Variants in DOT1L observed in about 807,000 individuals in gnomAD.
DOT1L encodes the protein DOT1 like histone lysine methyltransferase.
DOT1L carries 33 observed loss-of-function variants against 153.3 expected under a neutral mutation model. The ratio of observed to expected loss-of-function variants is 0.22; its 90% confidence interval spans 0.16 to 0.29. DOT1L has a LOEUF of 0.29. DOT1L is among the 10% of genes least tolerant of loss of function. DOT1L has a pLI of 1.00. For missense variants in DOT1L, 1,847 were observed against 2,119.9 expected, an observed-to-expected ratio of 0.87 and a Z score of 2.53; for synonymous variants, 1,135 against 965.1, an observed-to-expected ratio of 1.18 and a Z score of -3.26.
chr19:2,188,888 C>T (rs545419751), intron 3 of DOT1L, among the ~76,000 whole-genome samples: 53 of 152,188 alleles, frequency 3.5e-4, no homozygotes, highest in Non-Finnish European at 6.3e-4. Flanking sequence ...CTGGCTGGGC[C>T]GCGTGGCCGG....
In DOT1L at chr19:2,197,070, G is replaced by A. The variant is rs1009710008; in HGVS notation, c.651+2493G>A. Among the ~76,000 whole-genome samples the A allele has an allele frequency of 1.3e-5, 2 of 152,190 alleles. No individual in the cohort carries two copies. Among genetic ancestry groups the A allele is most frequent in the Non-Finnish European group, 2.9e-5 (2 of 68,026 alleles). On this transcript the variant is annotated intron_variant, in intron 7 of 27. Coordinates refer to ENST00000398665, the MANE Select transcript of DOT1L (RefSeq NM_032482.3). This position sits in a 1 kb window ranked among gnomAD's most constrained non-coding sequence, Gnocchi z 4.1. ...GTGGGATTCTGCTGGCTGATGGGCC[G>A]CTGAGGGGTTTTCTGCCGTGGTGGG...
Position 2,231,785 on chromosome 19 carries a change from C to T in DOT1L, c.*1993C>T, listed in dbSNP as rs965624890. The T allele has an allele frequency of 1.4e-5, 3 of 215,432 alleles. No homozygotes were observed. The highest frequency in any genetic ancestry group is 1.5e-3 in the Middle Eastern group (1 of 670). The allele number at this position is 215,432 out of a possible 1,614,324, so 13.3% of individuals were successfully genotyped here. On this transcript the variant is annotated 3_prime_UTR_variant, in exon 28 of 28. Transcript: ENST00000398665. ...TTCTTTAAACACTGTATTACTTCTG[C>T]CTCCCTCTAGGTGACAGTGGCAGTC...
chr19:2,206,851 C>G, intron 10 of DOT1L, 54 bp downstream of exon 10: 1 of 1,541,396 alleles, frequency 6.5e-7, no homozygotes. Flanking sequence ...AACCATCTGA[C>G]ACGCAGTATT....
rs896439983 is a variant in DOT1L at position 2,201,454 on chromosome 19, G to A, written c.708-1246G>A. On this transcript the variant is annotated intron_variant, in intron 8 of 27. Transcript: ENST00000398665. ...TTCCCTGTGCTCTTCTTCCTCGGGTGTGCTCGTGGCTTGTGGTTGAGTGTC... is the reference window on the plus strand; with the variant it reads ...TTCCCTGTGCTCTTCTTCCTCGGGTATGCTCGTGGCTTGTGGTTGAGTGTC... Among the ~76,000 whole-genome samples, 66 of 152,220 alleles carry A rather than the reference G, an allele frequency of 4.3e-4. 1 individual carries two copies. Among genetic ancestry groups the A allele is most frequent in the Admixed American group, 4.3e-3 (65 of 15,286 alleles).
chr19:2,170,184 A>G lies in DOT1L; in HGVS notation c.81+5919A>G, dbSNP rs553600673. On this transcript the variant is annotated intron_variant, in intron 1 of 27. Coordinates refer to ENST00000398665, the MANE Select transcript of DOT1L (RefSeq NM_032482.3). Reference sequence around the variant, plus strand: ...GGAAAAAAGAATTTTTGTTCAAGTAATATTGGCCATTGATGGCTGCAAATC... The same window carrying G: ...GGAAAAAAGAATTTTTGTTCAAGTAGTATTGGCCATTGATGGCTGCAAATC... Among the ~76,000 whole-genome samples the G allele has an allele frequency of 3.3e-5, 5 of 152,308 alleles. No individual in the cohort carries two copies. In the East Asian group the frequency reaches 9.6e-4, roughly 29 times the overall value.
chr19:2,206,984 G>A (rs1340023285), intron 10 of DOT1L, among the ~76,000 whole-genome samples, 187 bp downstream of exon 10: 1 of 152,208 alleles, frequency 6.6e-6, no homozygotes, highest in East Asian at 1.9e-4. Flanking sequence ...CATGCCAGGA[G>A]CACCCCTGGT....
intron 3 of DOT1L, among the ~76,000 whole-genome samples, chr19:2,186,864 G>T (rs2022534543): frequency 1.3e-5 from 2 of 152,216 alleles, no homozygotes; most frequent in African/African-American, 4.8e-5. Context: ...GTGATGGTGT[G>T]CTGGGCCCTT....
In DOT1L at chr19:2,227,106, G is replaced by A. The variant is rs762134372; in HGVS notation, c.4585G>A (p.Val1529Met). The A allele has an allele frequency of 1.9e-6, 3 of 1,554,270 alleles. No individual in the cohort carries two copies. In the East Asian group the frequency reaches 7.0e-5, roughly 36 times the overall value. The change falls in exon 27 of 28, where the codon GTG (valine) becomes ATG (methionine). Residue 1529 changes from valine (V) to methionine (M), a missense_variant. Around this residue, in one of 8 missense-constraint regions of DOT1L, gnomAD observed 934 missense variants for 825.3 expected, o/e 1.13. Transcript: ENST00000398665. The stretch of plus-strand genomic sequence containing the variant: ...GCACGCCATGGGCAGCTTTTCCGGG[G>A]TGGCAGGCGGCACAGTTGGAGGTAG... The part of the protein sequence containing the change: ...NSHAMGSFSG[V>M]AGGTVGGN
chr19:2,181,741 C>G (rs983246993), intron 2 of DOT1L, among the ~76,000 whole-genome samples: 10 of 151,996 alleles, frequency 6.6e-5, no homozygotes, highest in Non-Finnish European at 1.3e-4. Context: ...GCAGCTGGAC[C>G]CCAGCCCAGC....
At position 2,230,904 on chromosome 19, in the gene DOT1L, C is replaced by T. The variant is rs1012814068; in HGVS notation, c.*1112C>T. ...TGTCAGGGCCACGCCTGGCACCCATCCCTTGGAGCCTGTGCTGGTTCTCCC... is the reference window on the plus strand; with the variant it reads ...TGTCAGGGCCACGCCTGGCACCCATTCCTTGGAGCCTGTGCTGGTTCTCCC... On this transcript the variant is annotated 3_prime_UTR_variant, in exon 28 of 28. Coordinates refer to ENST00000398665, the MANE Select transcript of DOT1L (RefSeq NM_032482.3). The T allele has an allele frequency of 6.7e-6, 2 of 298,280 alleles. No individual in the cohort carries two copies. The highest frequency in any genetic ancestry group is 2.1e-5 in the African/African-American group (1 of 47,094). The allele number at this position is 298,280 out of a possible 1,614,324, so 18.5% of individuals were successfully genotyped here.
chr19:2,213,605 G>A lies in DOT1L; in HGVS notation c.1624G>A (p.Glu542Lys). 6.2e-7 allele frequency: 1 copy of A among 1,613,758 alleles called. No homozygotes were observed. Among genetic ancestry groups the A allele is most frequent in the South Asian group, 1.1e-5 (1 of 91,078 alleles). ...CAGCCACTGCCAGGCCCAGAAGGAGGAGATCAGGAGGCTGTTTCAGCAAAA... is the reference window on the plus strand; with the variant it reads ...CAGCCACTGCCAGGCCCAGAAGGAGAAGATCAGGAGGCTGTTTCAGCAAAA... ...LLSHCQAQKE[E>K]IRRLFQQKLD... The change falls in exon 17 of 28, where the codon GAG becomes AAG. Residue 542 changes from glutamate to lysine, a missense_variant. By Grantham distance (56) the Glu-to-Lys change is moderately conservative. Coordinates refer to ENST00000398665, the MANE Select transcript of DOT1L (RefSeq NM_032482.3).
chr19:2,222,028 G>C lies in DOT1L; in HGVS notation c.2859G>C (p.Pro953=), dbSNP rs757484163. The C allele has an allele frequency of 1.2e-6, 2 of 1,612,376 alleles. No individual in the cohort carries two copies. The highest frequency in any genetic ancestry group is 3.3e-5 in the Admixed American group (2 of 59,972). The change falls in exon 24 of 28, where the codon CCG becomes CCC. Residue 953 remains proline (P), a synonymous_variant. Coordinates refer to ENST00000398665, the MANE Select transcript of DOT1L (RefSeq NM_032482.3). This position sits in a 1 kb window ranked among gnomAD's most constrained non-coding sequence, Gnocchi z 6.5. ...TCAGCGGGGCCTTGGCGGGCAGCCC[G>C]GCCTCTCTCACACCTGGAGCCGAGC... ...VAISGALAGS[P]ASLTPGAEPA...
intron 1 of DOT1L, among the ~76,000 whole-genome samples, chr19:2,177,497 T>C (rs1029304162): frequency 7.9e-5 from 12 of 152,144 alleles, no homozygotes; most frequent in African/African-American, 2.9e-4. Context: ...ACAATTTTTA[T>C]ATTATTAGTG....
At position 2,210,499 on chromosome 19, in the gene DOT1L, G is replaced by C. The variant is rs896711247; in HGVS notation, c.1105G>C (p.Asp369His). Residue 369 changes from aspartate (D) to histidine (H), a missense_variant, in exon 13 of 28, where the codon GAC (aspartate) becomes CAC (histidine). Coordinates refer to ENST00000398665, the MANE Select transcript of DOT1L (RefSeq NM_032482.3). ...AGAGGGCAAGGTGGCCGGCCCCGCCGACGCCCCCATGGTAAGGCCCCAGCC... is the reference window on the plus strand; with the variant it reads ...AGAGGGCAAGGTGGCCGGCCCCGCCCACGCCCCCATGGTAAGGCCCCAGCC... ...GPEGKVAGPA[D>H]APMDSGAEEE... 4 of 1,594,666 alleles carry C rather than the reference G, an allele frequency of 2.5e-6. No individual in the cohort carries two copies. In the Admixed American group the frequency reaches 5.2e-5, roughly 21 times the overall value.
chr19:2,222,407 G>C lies in DOT1L; in HGVS notation c.3238G>C (p.Gly1080Arg). The C allele has an allele frequency of 6.2e-7, 1 of 1,611,016 alleles. No homozygotes were observed. The highest frequency in any genetic ancestry group is 8.5e-7 in the Non-Finnish European group (1 of 1,179,040). Residue 1080 changes from glycine to arginine, a missense_variant, in exon 24 of 28, where the codon GGG (glycine) becomes CGG (arginine). Around this residue, in one of 8 missense-constraint regions of DOT1L, gnomAD observed 934 missense variants for 825.3 expected, o/e 1.13. Transcript: ENST00000398665. This position sits in a 1 kb window ranked among gnomAD's most constrained non-coding sequence, Gnocchi z 6.5. ...SARGDCVPSHGQDSRRRGRRK... is the reference protein window; with the variant it reads ...SARGDCVPSHRQDSRRRGRRK... ...CCGTGGGGACTGTGTGCCGAGCCAC[G>C]GGCAGGACAGTCGCAGGCGCGGCCG...
In DOT1L at chr19:2,227,663, G is replaced by A. The variant is rs1012703936; in HGVS notation, c.4606+536G>A. On this transcript the variant is annotated intron_variant, in intron 27 of 27. Transcript: ENST00000398665. ...CGCCGTTTCGCTTCCCTTTTTGTGA[G>A]CCTGCGGCTGCTGCTCTGCGCTTGC... 5.5e-6 allele frequency: 7 copies of A among 1,269,288 alleles called. No homozygotes were observed. In the African/African-American group the frequency reaches 9.6e-5, roughly 17 times the overall value. 78.6% of individuals were successfully genotyped at this position (1,269,288 alleles called of 1,614,324 possible).
Position 2,225,345 on chromosome 19 carries a change from T to G in DOT1L, c.3597-43T>G, listed in dbSNP as rs1396386724. 9 of 1,573,472 alleles carry G rather than the reference T, an allele frequency of 5.7e-6. No homozygotes were observed. The highest frequency in any genetic ancestry group is 7.9e-6 in the Non-Finnish European group (9 of 1,143,158). On this transcript the variant is annotated intron_variant, in intron 25 of 27. Coordinates refer to ENST00000398665, the MANE Select transcript of DOT1L (RefSeq NM_032482.3). Reference sequence around the variant, plus strand: ...GTCAGCATTTGTGTCATTCTTAGTATGCAGCTGGGTTTCAAGCATTAATGA... The same window carrying G: ...GTCAGCATTTGTGTCATTCTTAGTAGGCAGCTGGGTTTCAAGCATTAATGA...
At chr19:2,184,625 C>T (rs1271347346) in intron 2 of DOT1L, among the ~76,000 whole-genome samples, 1 of 152,168 alleles carries the variant, frequency 6.6e-6, no homozygotes, top group Non-Finnish European at 1.5e-5. Context: ...GCTGTCACAG[C>T]GGCTCAGTGA....
intron 7 of DOT1L, among the ~76,000 whole-genome samples, chr19:2,195,966 AGGGTGCGT>A (rs1420682274): frequency 6.6e-6 from 1 of 152,210 alleles, no homozygotes; most frequent in Non-Finnish European, 1.5e-5. Context: ...TCTCCTCAGC[AGGGTGCGT>A]GGAGGCGTGG....
Sources: gnomAD v4.1 joint callset for allele counts (sites outside exome capture counted in the v4.1 genomes callset) on GRCh38, gnomAD v4.1.1 for gene constraint, gnomAD v4.1.1 regional missense constraint, Gnocchi (gnomAD v3.1) non-coding constraint, MANE v1.5 for transcripts, NCBI Gene and HGNC (gene_info 2026-07-23, HGNC 2026-07-21) for gene names.